The following VWA8 variants were observed in gnomAD, a reference collection of about 807,000 sequenced individuals.
VWA8 encodes the protein von Willebrand factor A domain-containing protein 8.
In VWA8, 221 loss-of-function variants were observed where a neutral mutation model predicts 241.5. The ratio of observed to expected loss-of-function variants is 0.91; its 90% CI spans 0.82 to 1.02. VWA8 has a LOEUF of 1.02. Ranked by LOEUF, VWA8 falls within the 50% of genes least tolerant of loss-of-function variation. The pLI is 0.00. For missense variants in VWA8, 2,322 were observed against 2,328.7 expected (o/e 1.00, Z 0.06); for synonymous variants, 852 against 827.1 (o/e 1.03, Z -0.52).
chr13:41,569,322 G>T (rs1425619378), intron 44 of VWA8, among the ~76,000 whole-genome samples: 1 of 152,214 alleles, frequency 6.6e-6, no homozygotes, highest in Non-Finnish European at 1.5e-5. Flanking sequence ...TGAGCTTGTT[G>T]TCTGCCTAAT....
chr13:41,650,733 C>G (rs1210766067), intron 37 of VWA8, among the ~76,000 whole-genome samples: 1 of 152,190 alleles, frequency 6.6e-6, no homozygotes, highest in African/African-American at 2.4e-5. Context: ...GGAACTTGCC[C>G]TTCTGACACA....
intron 21 of VWA8, among the ~76,000 whole-genome samples, chr13:41,735,484 G>A (rs186237966): frequency 5.3e-5 from 8 of 152,216 alleles, no homozygotes; most frequent in Non-Finnish European, 1.2e-4. Context: ...GATTTCCAAA[G>A]GAGACTAAAA....
intron 23 of VWA8, among the ~76,000 whole-genome samples, chr13:41,729,297 T>A (rs1182099724): frequency 6.6e-6 from 1 of 151,864 alleles, no homozygotes; most frequent in East Asian, 1.9e-4. Context: ...AGTAGAAAAA[T>A]ACAAAGTTGA....
chr13:41,863,703 T>C (rs1412834795), intron 12 of VWA8, among the ~76,000 whole-genome samples: 2 of 151,968 alleles, frequency 1.3e-5, no homozygotes, highest in Non-Finnish European at 2.9e-5. Flanking sequence ...GACATTATCC[T>C]ATGTGAACTA....
chr13:41,595,062 G>A lies in VWA8; in HGVS notation c.4987-4297C>T, dbSNP rs147937283. Among the ~76,000 whole-genome samples, 46 of 152,270 alleles carry A rather than the reference G, an allele frequency of 3.0e-4. No individual in the cohort carries two copies. The South Asian group carries it at 3.9e-3, about 13-fold the overall frequency. On this transcript the variant is annotated intron_variant, in intron 40 of 44. Transcript: ENST00000379310. ...GACGAAGTTGAGAAGACTGATTCAA[G>A]TACCATGAAGGACTATTAGGCCCTG...
intron 20 of VWA8, among the ~76,000 whole-genome samples, chr13:41,770,848 A>G (rs995791334): frequency 2.8e-4 from 43 of 151,044 alleles, no homozygotes; most frequent in Non-Finnish European, 4.9e-4. Flanking sequence ...CAGTATAAAA[A>G]TTTTACCAGA....
intron 14 of VWA8, 125 bp from the exon 15 acceptor site, chr13:41,819,511 AAGGATT>A: frequency 9.4e-7 from 1 of 1,065,822 alleles, no homozygotes; most frequent in Non-Finnish European, 1.3e-6. Flanking sequence ...TTATCATCCA[AAGGATT>A]AGCTTTGAAA....
chr13:41,727,081 T>G (rs1180154386), intron 24 of VWA8, 113 bp downstream of exon 24: 8 of 785,472 alleles, frequency 1.0e-5, no homozygotes, highest in Non-Finnish European at 1.4e-5. Context: ...TCTCACAAGG[T>G]GATTATGATG....
intron 20 of VWA8, among the ~76,000 whole-genome samples, chr13:41,770,674 A>T (rs543220401): frequency 1.4e-3 from 214 of 152,098 alleles, no homozygotes; most frequent in African/African-American, 4.9e-3. Context: ...ATGAGTACCT[A>T]CAGACTCAGT....
At position 41,736,102 on chromosome 13, in the gene VWA8, T is replaced by C. The variant is rs1029531135; in HGVS notation, c.2427-3947A>G. Among the ~76,000 whole-genome samples, 43 of 152,298 alleles carry C rather than the reference T, an allele frequency of 2.8e-4. 1 individual carries two copies. The highest frequency in any genetic ancestry group is 1.0e-3 in the African/African-American group (43 of 41,590). On this transcript the variant is annotated intron_variant, in intron 21 of 44. Transcript: ENST00000379310. ...AAGAAAACTTAAAACACATTTTAGTTACATGTTCTTAGCCTAAAGCTTAAA... is the reference window on the plus strand; with the variant it reads ...AAGAAAACTTAAAACACATTTTAGTCACATGTTCTTAGCCTAAAGCTTAAA...
intron 17 of VWA8, among the ~76,000 whole-genome samples, chr13:41,799,438 T>C (rs956457480): frequency 2.6e-5 from 4 of 152,320 alleles, no homozygotes; most frequent in African/African-American, 9.6e-5. Flanking sequence ...ATTTGATTCC[T>C]CATGGTGACA....
In VWA8 at chr13:41,912,155, C is replaced by T; in HGVS notation, c.255G>A (p.Leu85=). The change falls in exon 3 of 45, where the codon CTG becomes CTA. Residue 85 remains leucine (L), a synonymous_variant. Coordinates refer to ENST00000379310, the MANE Select transcript of VWA8 (RefSeq NM_015058.2). ...TTAGATGCTGAACTACAGATTGAGC[C>T]AGAGAGTCTGAAACTATAAAGAAAA... is the stretch of plus-strand genomic sequence containing the variant. ...LVPQNYISDS[L]AQSVVQHLRW... 1 of 1,598,244 alleles carries T rather than the reference C, an allele frequency of 6.3e-7. No homozygotes were observed. The highest frequency in any genetic ancestry group is 1.3e-5 in the African/African-American group (1 of 74,658).
chr13:41,651,493 C>A (rs1287164750), intron 37 of VWA8, among the ~76,000 whole-genome samples: 1 of 152,226 alleles, frequency 6.6e-6, no homozygotes, highest in East Asian at 1.9e-4. Context: ...TAAAAAGCCA[C>A]GTAGTAAATA....
chr13:41,858,817 C>T (rs1872873993), intron 12 of VWA8, among the ~76,000 whole-genome samples: 1 of 151,862 alleles, frequency 6.6e-6, no homozygotes, highest in Admixed American at 6.6e-5. Context: ...ATTGTAAGAG[C>T]TATTCTTTGT....
chr13:41,855,341 T>A (rs1211499777), intron 12 of VWA8, among the ~76,000 whole-genome samples: 1 of 145,246 alleles, frequency 6.9e-6, no homozygotes. Context: ...TAATATATAA[T>A]ATATAAATAT....
intron 1 of VWA8, among the ~76,000 whole-genome samples, chr13:41,953,181 T>C (rs1366481983): frequency 3.9e-5 from 6 of 152,194 alleles, no homozygotes; most frequent in African/African-American, 1.4e-4. Context: ...GGATACAGGA[T>C]AAGGATAATT....
chr13:41,821,110 C>A (rs1870936604), intron 14 of VWA8, among the ~76,000 whole-genome samples: 1 of 152,114 alleles, frequency 6.6e-6, no homozygotes. Context: ...AGCCAGGTAC[C>A]ACAGTGGAGC....
chr13:41,674,483 G>A (rs2045046694), intron 36 of VWA8, among the ~76,000 whole-genome samples: 1 of 152,152 alleles, frequency 6.6e-6, no homozygotes, highest in South Asian at 2.1e-4. Context: ...GAGGAAGAAG[G>A]CTTTGGCATG....
At chr13:41,585,679 C>T (rs1340082874) in intron 42 of VWA8, among the ~76,000 whole-genome samples, 2 of 151,930 alleles carry the variant, frequency 1.3e-5, no homozygotes, top group African/African-American at 4.8e-5. Flanking sequence ...GCCTGACCAA[C>T]ATGGTGAAAC....
Sources: allele counts gnomAD v4.1 joint callset (sites outside exome capture counted in the v4.1 genomes callset), GRCh38; gene constraint gnomAD v4.1.1; transcripts MANE v1.5; gene names NCBI Gene and HGNC (gene_info 2026-07-23, HGNC 2026-07-21).